ADGRL3: variants seen among roughly 807,000 people sequenced by gnomAD.
ADGRL3 encodes calcium-independent alpha-latrotoxin receptor 3.
A neutral mutation model predicts 153.5 loss-of-function variants in ADGRL3; 62 were observed. The observed-to-expected ratio is 0.40, with a 90% CI of 0.33 to 0.50. The LOEUF (loss-of-function observed/expected upper bound fraction) is 0.50, where lower values mean the gene tolerates loss of function less well. Among genes scored for constraint, ADGRL3 ranks in the 20% least tolerant of loss-of-function variants. The pLI is 0.47. For missense variants in ADGRL3, 1,641 were observed against 1,859.4 expected, an observed-to-expected ratio of 0.88 and a Z score of 2.16; for synonymous variants, 710 against 672.5, an observed-to-expected ratio of 1.06 and a Z score of -0.86.
chr4:61,476,735 A>C (rs1311580998), intron 2 of ADGRL3, among the ~76,000 whole-genome samples: 3 of 148,104 alleles, frequency 2.0e-5, no homozygotes, highest in Admixed American at 6.7e-5. Flanking sequence ...AAAAAAAAAA[A>C]AAACAAAAAA....
intron 1 of ADGRL3, among the ~76,000 whole-genome samples, chr4:61,381,852 A>G (rs1260698139): frequency 6.6e-6 from 1 of 151,948 alleles, no homozygotes; most frequent in Non-Finnish European, 1.5e-5. Flanking sequence ...CCAAGCAGTC[A>G]AGTGTGGCAT....
intron 9 of ADGRL3, among the ~76,000 whole-genome samples, chr4:61,836,359 A>C (rs2148933116): frequency 6.6e-6 from 1 of 152,284 alleles, no homozygotes; most frequent in East Asian, 1.9e-4. Flanking sequence ...AATTATTGAA[A>C]CATTGGAGTC....
At chr4:62,006,005 T>TACACACAC (rs1560495061) in intron 21 of ADGRL3, among the ~76,000 whole-genome samples, 1 of 41,652 alleles carries the variant, frequency 2.4e-5, no homozygotes, top group Non-Finnish European at 4.8e-5. Flanking sequence ...CACACACACA[T>TACACACAC]ATATATATAT....
chr4:62,026,917 G>T (rs1451486774), intron 21 of ADGRL3, among the ~76,000 whole-genome samples: 1 of 151,994 alleles, frequency 6.6e-6, no homozygotes, highest in East Asian at 1.9e-4. Flanking sequence ...GCATCATGCT[G>T]TGTATCCAAG....
chr4:61,411,056 A>G (rs2097080951), intron 2 of ADGRL3, among the ~76,000 whole-genome samples: 1 of 152,190 alleles, frequency 6.6e-6, no homozygotes, highest in Admixed American at 6.5e-5. Context: ...TTGAGGTATG[A>G]AACCCCAAGT....
chr4:61,947,118 T>G lies in ADGRL3; in HGVS notation c.2624T>G (p.Ile875Ser). 6.2e-7 allele frequency: 1 copy of G among 1,612,114 alleles called. No individual in the cohort carries two copies. The highest frequency in any genetic ancestry group is 8.5e-7 in the Non-Finnish European group (1 of 1,178,282). The change falls in exon 16 of 27, where the codon ATC becomes AGC. Residue 875 changes from isoleucine to serine, a missense_variant. Around this residue, in one of 5 missense-constraint regions of ADGRL3, gnomAD observed 734 missense variants for 797.0 expected, o/e 0.92. Coordinates refer to ENST00000683033, the MANE Select transcript of ADGRL3 (RefSeq NM_001387552.1). Reference sequence around the variant, plus strand: ...CCTGTGGTATTTACTGTTAAACATATCAAGGTAAGAAAATGGCATATTAGC... The same window carrying G: ...CCTGTGGTATTTACTGTTAAACATAGCAAGGTAAGAAAATGGCATATTAGC... ...ADPVVFTVKH[I>S]KQSEENFNPN...
chr4:61,244,751 G>A (rs527308051), intron 1 of ADGRL3, among the ~76,000 whole-genome samples: 3 of 152,066 alleles, frequency 2.0e-5, no homozygotes, highest in Admixed American at 6.6e-5. Context: ...TAGGAATCTC[G>A]AATAGTGGGT....
intron 8 of ADGRL3, among the ~76,000 whole-genome samples, chr4:61,766,360 G>T (rs570088787): frequency 6.6e-6 from 1 of 152,234 alleles, no homozygotes; most frequent in East Asian, 1.9e-4. Flanking sequence ...GCCTCTAAAA[G>T]TATTAATGCA....
chr4:61,432,576 T>TC, intron 2 of ADGRL3, among the ~76,000 whole-genome samples: 1 of 1,746 alleles, frequency 5.7e-4, no homozygotes, highest in East Asian at 0.036. Context: ...TTCTCTTCCT[T>TC]TCTTTCTTTC....
intron 22 of ADGRL3, among the ~76,000 whole-genome samples, chr4:62,029,303 C>A (rs1720640735): frequency 1.3e-5 from 2 of 151,618 alleles, no homozygotes; most frequent in Admixed American, 1.3e-4. Flanking sequence ...GGGTATAAAA[C>A]TACCCAATTG....
intron 5 of ADGRL3, 25 bp downstream of exon 5, chr4:61,587,465 C>A (rs1010939811): frequency 2.6e-6 from 4 of 1,518,928 alleles, no homozygotes; most frequent in South Asian, 1.2e-5. Flanking sequence ...ATATTCTTTT[C>A]TTTGTGCACA....
At chr4:61,497,886 T>C (rs1023139469) in intron 3 of ADGRL3, among the ~76,000 whole-genome samples, 8 of 152,140 alleles carry the variant, frequency 5.3e-5, no homozygotes, top group Admixed American at 4.6e-4. Flanking sequence ...AAAGTGCCTA[T>C]TGAAATGTAT....
chr4:61,801,170 T>G (rs2097491696), intron 8 of ADGRL3, among the ~76,000 whole-genome samples: 1 of 152,172 alleles, frequency 6.6e-6, no homozygotes, highest in African/African-American at 2.4e-5. Flanking sequence ...GAATATGCTT[T>G]TCTTAGAAAT....
chr4:61,734,527 A>G (rs2096484088), intron 8 of ADGRL3, among the ~76,000 whole-genome samples: 1 of 152,210 alleles, frequency 6.6e-6, no homozygotes, highest in Admixed American at 6.5e-5. Context: ...AGAGTCCCTT[A>G]TAAAGCCATC....
chr4:61,218,412 G>A (rs1229584263), intron 1 of ADGRL3, among the ~76,000 whole-genome samples: 3 of 151,940 alleles, frequency 2.0e-5, no homozygotes, highest in Admixed American at 6.6e-5. Context: ...CTAACAGAAC[G>A]GATCCTCCTA....
intron 3 of ADGRL3, among the ~76,000 whole-genome samples, chr4:61,506,903 C>A (rs967389610): frequency 6.6e-6 from 1 of 151,888 alleles, no homozygotes; most frequent in African/African-American, 2.4e-5. Flanking sequence ...GAGGAAAAAA[C>A]CTAATGATTA....
chr4:61,620,006 G>T (rs2092383829), intron 5 of ADGRL3, among the ~76,000 whole-genome samples: 1 of 151,658 alleles, frequency 6.6e-6, no homozygotes, highest in Non-Finnish European at 1.5e-5. Flanking sequence ...AATCACGAAT[G>T]AAAAATATTT....
intron 17 of ADGRL3, among the ~76,000 whole-genome samples, chr4:61,976,369 A>G (rs531611755): frequency 6.6e-6 from 1 of 152,256 alleles, no homozygotes; most frequent in Non-Finnish European, 1.5e-5. Flanking sequence ...GCAGACTATT[A>G]ATTATAAACA....
chr4:61,818,692 T>C (rs1327210613), intron 9 of ADGRL3, among the ~76,000 whole-genome samples: 1 of 152,098 alleles, frequency 6.6e-6, no homozygotes, highest in East Asian at 1.9e-4. Context: ...GATATCTACC[T>C]CAAATTGTGC....
Sources: allele counts gnomAD v4.1 joint callset (sites outside exome capture counted in the v4.1 genomes callset), GRCh38; gene constraint gnomAD v4.1.1; regional missense constraint gnomAD v4.1.1; transcripts MANE v1.5; gene names NCBI Gene and HGNC (gene_info 2026-07-23, HGNC 2026-07-21).